The following FCMR variants were observed in gnomAD, a reference collection of about 807,000 sequenced individuals.
FCMR encodes immunoglobulin mu Fc receptor.
Under a neutral mutation model 41.6 loss-of-function variants are expected in FCMR, and 34 were observed. That is an observed-to-expected ratio of 0.82 (90% CI 0.62 to 1.09). FCMR has a LOEUF of 1.09. FCMR is among the 50% of genes least tolerant of loss of function. The pLI, the probability that FCMR is intolerant of heterozygous loss-of-function variation, is 0.00. For synonymous variants in FCMR, 209 were observed against 211.8 expected (o/e 0.99, Z 0.12); for missense variants, 496 against 512.5 (o/e 0.97, Z 0.31).
chr1:206,910,122 A>G, intron 5 of FCMR, 88 bp downstream of exon 5: 1 of 1,389,330 alleles, frequency 7.2e-7, no homozygotes, highest in Non-Finnish European at 9.6e-7. Flanking sequence ...AAAAGCTCCG[A>G]GTTTCCCATG....
Position 206,912,848 on chromosome 1 carries a change from C to T in FCMR, c.487+81G>A, listed in dbSNP as rs549134164. 12 of 987,398 alleles carry T rather than the reference C, an allele frequency of 1.2e-5. No homozygotes were observed. In the African/African-American group the frequency reaches 1.4e-4, roughly 12 times the overall value. 61.2% of individuals were successfully genotyped at this position (987,398 alleles called of 1,614,324 possible). On this transcript the variant is annotated intron_variant, in intron 3 of 7. Coordinates refer to ENST00000367091, the MANE Select transcript of FCMR (RefSeq NM_005449.5). ...TCAGCTCTGCCAGCCACTCTATGAA[C>T]TGAACATAGACCCCCTCCTCCATTT...
chr1:206,910,148 G>C, intron 5 of FCMR, 62 bp downstream of exon 5: 1 of 1,468,728 alleles, frequency 6.8e-7, no homozygotes, highest in Non-Finnish European at 9.0e-7. Context: ...TCAAAAGGGG[G>C]TTCTGAACGC....
At chr1:206,920,487 A>T (rs2102582084) in intron 1 of FCMR, among the ~76,000 whole-genome samples, 1 of 147,258 alleles carries the variant, frequency 6.8e-6, no homozygotes, top group South Asian at 2.1e-4. Context: ...AGGTGAGAGG[A>T]AGGGTGTTCC....
At position 206,921,912 on chromosome 1, in the gene FCMR, C is replaced by T. The variant is rs1026440563; in HGVS notation, c.-58G>A. ...GCCCCTAGAGAGGGGGATGGAGACA[C>T]GCTGCTTACTCAGGAACCCTTCACA... On this transcript the variant is annotated 5_prime_UTR_variant, in exon 1 of 8. The change creates a new upstream start codon in the 5' untranslated region. Coordinates refer to ENST00000367091, the MANE Select transcript of FCMR (RefSeq NM_005449.5). 23 of 1,489,086 alleles carry T rather than the reference C, an allele frequency of 1.5e-5. No individual in the cohort carries two copies. The highest frequency in any genetic ancestry group is 1.7e-4 in the Middle Eastern group (1 of 5,830). 92.2% of individuals were successfully genotyped at this position (1,489,086 alleles called of 1,614,324 possible).
chr1:206,922,233 C>G (rs182255198), upstream of FCMR, among the ~76,000 whole-genome samples: 1 of 152,150 alleles, frequency 6.6e-6, no homozygotes, highest in African/African-American at 2.4e-5. Flanking sequence ...CATTGGCTTC[C>G]GTGCTGGGGT....
chr1:206,905,071 G>A lies in FCMR; in HGVS notation c.1121C>T (p.Ala374Val). 6.2e-7 allele frequency: 1 copy of A among 1,614,108 alleles called. No individual in the cohort carries two copies. The highest frequency in any genetic ancestry group is 8.5e-7 in the Non-Finnish European group (1 of 1,179,938). Reference sequence around the variant, plus strand: ...TGAATCACTGTCCTCCATCATGGCGGCAGGCTGGTGGTAGAGGCTCACGTA... The same window carrying A: ...TGAATCACTGTCCTCCATCATGGCGACAGGCTGGTGGTAGAGGCTCACGTA... ...CEYVSLYHQP[A>V]AMMEDSDSDD... is the part of the protein sequence containing the mutation. Residue 374 changes from alanine to valine, a missense_variant, in exon 8 of 8, where the codon GCC (alanine) becomes GTC (valine). Ala to Val is a moderately conservative substitution (Grantham distance 64). Transcript: ENST00000367091.
intron 1 of FCMR, among the ~76,000 whole-genome samples, chr1:206,915,669 T>G (rs1679160940): frequency 1.3e-5 from 2 of 151,910 alleles, no homozygotes; most frequent in South Asian, 4.2e-4. Flanking sequence ...TAGGGTAAAG[T>G]TGTGTGTGTG....
chr1:206,911,229 T>C (rs1678925881), intron 4 of FCMR, among the ~76,000 whole-genome samples: 1 of 135,708 alleles, frequency 7.4e-6, no homozygotes, highest in Admixed American at 7.9e-5. Flanking sequence ...CAATTTTGAT[T>C]ATTATAGGGT....
intron 1 of FCMR, among the ~76,000 whole-genome samples, chr1:206,915,015 T>C (rs1345926332): frequency 6.6e-6 from 1 of 152,160 alleles, no homozygotes; most frequent in Non-Finnish European, 1.5e-5. Flanking sequence ...GCTGGGAGCA[T>C]GGTGCGGTTA....
Position 206,910,131 on chromosome 1 carries a change from T to G in FCMR, c.841+79A>C, listed in dbSNP as rs550604412. ...CTCATCAAAAGCTCCGAGTTTCCCA[T>G]GGAAGTTCAAAAGGGGGTTCTGAAC... On this transcript the variant is annotated intron_variant, in intron 5 of 7. Coordinates refer to ENST00000367091, the MANE Select transcript of FCMR (RefSeq NM_005449.5). The G allele has an allele frequency of 5.0e-6, 7 of 1,411,846 alleles. No homozygotes were observed. The African/African-American group carries it at 1.0e-4, about 21-fold the overall frequency. The allele number at this position is 1,411,846 out of a possible 1,614,324, so 87.5% of individuals were successfully genotyped here.
At chr1:206,915,492 A>G (rs73090815) in intron 1 of FCMR, among the ~76,000 whole-genome samples, 39 of 152,184 alleles carry the variant, frequency 2.6e-4, no homozygotes, top group African/African-American at 9.4e-4. Context: ...GGGAGGGATA[A>G]AAGATGTGGT....
At chr1:206,911,386 A>G (rs1455754509) in intron 4 of FCMR, among the ~76,000 whole-genome samples, 2 of 152,204 alleles carry the variant, frequency 1.3e-5, no homozygotes, top group Non-Finnish European at 2.9e-5. Context: ...AGCCACATTA[A>G]AACAGTAAAA....
intron 5 of FCMR, 52 bp downstream of exon 5, chr1:206,910,158 C>T (rs1558647876): frequency 6.6e-7 from 1 of 1,511,104 alleles, no homozygotes; most frequent in South Asian, 1.3e-5. Context: ...GTTCTGAACG[C>T]TGTGGGCTCT....
intron 7 of FCMR, chr1:206,907,829 T>C: frequency 1.4e-6 from 2 of 1,404,296 alleles, no homozygotes; most frequent in Non-Finnish European, 2.0e-6. Context: ...CCGAGGTCCC[T>C]ACCACTTCCC....
Position 206,909,999 on chromosome 1 carries a change from A to G in FCMR, c.842-131T>C, listed in dbSNP as rs2102552105. The G allele has an allele frequency of 3.4e-6, 4 of 1,180,554 alleles. No homozygotes were observed. Among genetic ancestry groups the G allele is most frequent in the Non-Finnish European group, 4.5e-6 (4 of 892,508 alleles). 73.1% of individuals were successfully genotyped at this position (1,180,554 alleles called of 1,614,324 possible). ...CCTGGAGATGCTCCAAGCGTGGGGA[A>G]TGTACGAGGCACGGCCTTGCCCTGC... is the stretch of plus-strand genomic sequence containing the variant. On this transcript the variant is annotated intron_variant, in intron 5 of 7. Transcript: ENST00000367091. The surrounding 1 kb of genome is among the most constrained non-coding windows in gnomAD (Gnocchi z 5.0).
chr1:206,916,553 G>T (rs1356271411), intron 1 of FCMR, among the ~76,000 whole-genome samples: 1 of 152,242 alleles, frequency 6.6e-6, no homozygotes, highest in Non-Finnish European at 1.5e-5. Flanking sequence ...CGGATGAAGT[G>T]CAAGGAAAGC....
At chr1:206,915,671 G>C (rs997157126) in intron 1 of FCMR, among the ~76,000 whole-genome samples, 2 of 152,106 alleles carry the variant, frequency 1.3e-5, no homozygotes, top group Non-Finnish European at 2.9e-5. Context: ...GGGTAAAGTT[G>C]TGTGTGTGTG....
At chr1:206,907,380 A>G (rs1488475350) in intron 7 of FCMR, among the ~76,000 whole-genome samples, 5 of 152,104 alleles carry the variant, frequency 3.3e-5, no homozygotes, top group Non-Finnish European at 5.9e-5. Context: ...TGTACTGACC[A>G]TGGAGCTGGC....
In FCMR at chr1:206,904,906, G is replaced by A. The variant is rs1678555212; in HGVS notation, c.*113C>T. The A allele has an allele frequency of 1.8e-6, 2 of 1,130,908 alleles. No individual in the cohort carries two copies. The highest frequency in any genetic ancestry group is 2.6e-6 in the Non-Finnish European group (2 of 757,120). 70.1% of individuals were successfully genotyped at this position (1,130,908 alleles called of 1,614,324 possible). A position where few individuals can be genotyped will look rare whatever the true frequency, so the allele number is the denominator to read the frequency against. ...GGGATGGGAGTCGAGATGGGGCATG[G>A]GAAGTGATGAGGGCTCTGAGAACAC... is the stretch of plus-strand genomic sequence containing the variant. On this transcript the variant is annotated 3_prime_UTR_variant, in exon 8 of 8. Transcript: ENST00000367091.
Sources: allele counts gnomAD v4.1 joint callset (sites outside exome capture counted in the v4.1 genomes callset), GRCh38; gene constraint gnomAD v4.1.1; non-coding constraint Gnocchi (gnomAD v3.1); transcripts MANE v1.5; gene names NCBI Gene and HGNC (gene_info 2026-07-23, HGNC 2026-07-21).